The following LRMDA variants were observed in gnomAD, a reference collection of about 807,000 sequenced individuals.
LRMDA encodes the protein leucine-rich melanocyte differentiation-associated protein.
Under a neutral mutation model 29.8 loss-of-function variants are expected in LRMDA, and 18 were observed. That is an observed-to-expected ratio of 0.60 (90% CI 0.42 to 0.90). LRMDA has a LOEUF of 0.90. Among genes scored for constraint, LRMDA ranks in the 40% least tolerant of loss-of-function variants. LRMDA has a pLI of 0.00. For synonymous variants in LRMDA, 125 were observed against 109.4 expected, an observed-to-expected ratio of 1.14 and a Z score of -0.89; for missense variants, 273 against 273.9, an observed-to-expected ratio of 1.00 and a Z score of 0.02.
At chr10:76,006,811 C>T (rs1048317368) in intron 2 of LRMDA, among the ~76,000 whole-genome samples, 6 of 152,200 alleles carry the variant, frequency 3.9e-5, no homozygotes, top group African/African-American at 9.6e-5. Context: ...TTTAAAAAGA[C>T]GTGGCTTTCT....
intron 2 of LRMDA, among the ~76,000 whole-genome samples, chr10:75,843,404 G>T (rs1312700688): frequency 6.6e-6 from 1 of 152,244 alleles, no homozygotes; most frequent in Non-Finnish European, 1.5e-5. Flanking sequence ...GTCAGGTCAT[G>T]TGTTAAGTGT....
intron 5 of LRMDA, among the ~76,000 whole-genome samples, chr10:76,276,567 A>G (rs1053569189): frequency 2.6e-5 from 4 of 152,136 alleles, no homozygotes; most frequent in African/African-American, 9.7e-5. Context: ...GCTCAACTTT[A>G]TCTCATGGAC....
chr10:75,866,598 T>C (rs1320830111), intron 2 of LRMDA, among the ~76,000 whole-genome samples: 1 of 152,170 alleles, frequency 6.6e-6, no homozygotes, highest in Non-Finnish European at 1.5e-5. Flanking sequence ...TGCCCTCTTA[T>C]TAAGAAACAG....
At chr10:76,254,300 T>TATACTATACC (rs66939986) in intron 5 of LRMDA, among the ~76,000 whole-genome samples, 3,919 of 90,484 alleles carry the variant, frequency 0.043, 132 homozygotes, top group South Asian at 0.094. Flanking sequence ...TATACTATAC[T>TATACTATACC]ATACCATACC....
intron 2 of LRMDA, among the ~76,000 whole-genome samples, chr10:75,932,271 A>G (rs1297582994): frequency 1.3e-5 from 2 of 152,188 alleles, no homozygotes; most frequent in Admixed American, 6.5e-5. Flanking sequence ...CTGACTGATC[A>G]AGCCACATGG....
chr10:76,518,084 C>T (rs1238025814), intron 6 of LRMDA, among the ~76,000 whole-genome samples: 1 of 151,762 alleles, frequency 6.6e-6, no homozygotes, highest in Non-Finnish European at 1.5e-5. Context: ...CACAAGTGAA[C>T]TACCGACATT....
At chr10:76,036,388 A>C (rs1269833584) in intron 3 of LRMDA, among the ~76,000 whole-genome samples, 1 of 152,200 alleles carries the variant, frequency 6.6e-6, no homozygotes, top group Non-Finnish European at 1.5e-5. Context: ...ATTTTAGTGT[A>C]GAGATCTAAG....
intron 2 of LRMDA, among the ~76,000 whole-genome samples, chr10:75,879,505 C>T (rs866074036): frequency 4.6e-5 from 7 of 152,130 alleles, no homozygotes; most frequent in East Asian, 1.9e-4. Flanking sequence ...TGGAAAATGC[C>T]GGCCAGGTCC....
At chr10:75,952,998 G>A (rs531333629) in intron 2 of LRMDA, among the ~76,000 whole-genome samples, 129 of 151,638 alleles carry the variant, frequency 8.5e-4, no homozygotes, top group Admixed American at 3.3e-3. Context: ...CAGGTTATCC[G>A]CCTGCCTCAG....
At chr10:75,703,571 T>A (rs1459932177) in intron 2 of LRMDA, among the ~76,000 whole-genome samples, 2 of 152,220 alleles carry the variant, frequency 1.3e-5, no homozygotes, top group Admixed American at 6.5e-5. Flanking sequence ...ATATACAGCT[T>A]GCAATTAAGC....
At chr10:75,794,651 A>G (rs925990032) in intron 2 of LRMDA, among the ~76,000 whole-genome samples, 2 of 152,216 alleles carry the variant, frequency 1.3e-5, no homozygotes, top group African/African-American at 4.8e-5. Context: ...ATGAAATGGT[A>G]TCTCACTGTA....
chr10:75,734,676 C>A (rs1003955046), intron 2 of LRMDA, among the ~76,000 whole-genome samples: 1 of 152,212 alleles, frequency 6.6e-6, no homozygotes, highest in Non-Finnish European at 1.5e-5. Context: ...GAGGACAGGG[C>A]AGACCTGGAT....
At chr10:76,518,319 C>T (rs144432047) in intron 6 of LRMDA, among the ~76,000 whole-genome samples, 2,397 of 150,976 alleles carry the variant, frequency 0.016, 31 homozygotes, top group Non-Finnish European at 0.021. Context: ...ATCTATCTAT[C>T]TATCTATCAT....
At chr10:76,099,937 A>G (rs938191779) in intron 5 of LRMDA, among the ~76,000 whole-genome samples, 1 of 152,182 alleles carries the variant, frequency 6.6e-6, no homozygotes. Flanking sequence ...GAGGCTTCAT[A>G]ATGTTAATTA....
At chr10:76,145,554 TA>T (rs201094497) in intron 5 of LRMDA, among the ~76,000 whole-genome samples, 21,011 of 152,160 alleles carry the variant, frequency 0.14, 1,600 homozygotes, top group East Asian at 0.24. Context: ...TGTCATTTTT[TA>T]TTGCGTCTAT....
intron 5 of LRMDA, among the ~76,000 whole-genome samples, chr10:76,225,390 C>G (rs540468505): frequency 1.3e-5 from 2 of 151,810 alleles, no homozygotes; most frequent in Admixed American, 6.6e-5. Flanking sequence ...GCACTCCAGC[C>G]TCAGTGACAG....
At chr10:76,544,254 G>A (rs1335147607) in intron 6 of LRMDA, among the ~76,000 whole-genome samples, 3 of 152,150 alleles carry the variant, frequency 2.0e-5, no homozygotes, top group Non-Finnish European at 4.4e-5. Context: ...TATTAGGTGC[G>A]AGGCTCACAT....
At chr10:75,856,586 T>A (rs904015752) in intron 2 of LRMDA, among the ~76,000 whole-genome samples, 1 of 152,190 alleles carries the variant, frequency 6.6e-6, no homozygotes, top group Non-Finnish European at 1.5e-5. Flanking sequence ...AAACACCATA[T>A]GATTATCCAA....
At chr10:75,542,966 A>G (rs901699010) in intron 2 of LRMDA, among the ~76,000 whole-genome samples, 3 of 152,228 alleles carry the variant, frequency 2.0e-5, no homozygotes, top group Non-Finnish European at 4.4e-5. Flanking sequence ...GACACAACAC[A>G]TGAGAAACTT....
Sources: allele counts gnomAD v4.1 joint callset (sites outside exome capture counted in the v4.1 genomes callset), GRCh38; gene constraint gnomAD v4.1.1; transcripts MANE v1.5; gene names NCBI Gene and HGNC (gene_info 2026-07-23, HGNC 2026-07-21).